ZNF569: variants seen among roughly 807,000 people sequenced by gnomAD.
ZNF569 encodes the protein zinc finger protein 569, also known as DNA-binding protein.
A neutral mutation model predicts 56.3 loss-of-function variants in ZNF569; 38 were observed. The ratio of observed to expected loss-of-function variants is 0.68; its 90% confidence interval spans 0.52 to 0.88. The LOEUF (loss-of-function observed/expected upper bound fraction) is 0.88. Ranked by LOEUF, ZNF569 falls within the 40% of genes least tolerant of loss-of-function variation. The pLI is 0.00. For synonymous variants in ZNF569, 241 were observed against 262.9 expected, an observed-to-expected ratio of 0.92 and a Z score of 0.81; for missense variants, 666 against 809.2, an observed-to-expected ratio of 0.82 and a Z score of 2.15.
intron 5 of ZNF569, among the ~76,000 whole-genome samples, chr19:37,423,653 T>C (rs1029978036): frequency 6.6e-6 from 1 of 152,058 alleles, no homozygotes; most frequent in African/African-American, 2.4e-5. Flanking sequence ...GAAAAACATA[T>C]GACAGATGAT....
chr19:37,415,321 C>G (rs1448509747), intron 5 of ZNF569, among the ~76,000 whole-genome samples: 1 of 151,548 alleles, frequency 6.6e-6, no homozygotes, highest in East Asian at 1.9e-4. Flanking sequence ...ATGAAAAAAT[C>G]AAGTAATCAT....
rs776270214 is a variant in ZNF569, at chr19:37,412,582, A to G, written c.*15T>C. ...TTCAGATGGCCTTGCCATATTCACA[A>G]TATTCATAGGGTTTCTAATGAGTAT... On this transcript the variant is annotated 3_prime_UTR_variant, in exon 6 of 6. Transcript: ENST00000316950. 9 of 1,558,232 alleles carry G rather than the reference A, an allele frequency of 5.8e-6. No homozygotes were observed. Among genetic ancestry groups the G allele is most frequent in the African/African-American group, 1.4e-5 (1 of 72,752 alleles).
At position 37,411,250 on chromosome 19, in the gene ZNF569, T is replaced by G. The variant is rs1248644979; in HGVS notation, c.*1347A>C. The G allele has an allele frequency of 2.6e-5, 4 of 152,190 alleles. No individual in the cohort carries two copies. The highest frequency in any genetic ancestry group is 9.6e-5 in the African/African-American group (4 of 41,458). The allele number at this position is 152,190 out of a possible 1,614,324, so 9.4% of individuals were successfully genotyped here. A position where few individuals can be genotyped will look rare whatever the true frequency, so the allele number is the denominator to read the frequency against. ...CATCCCAAAAGGCAACCAAGTCATATATGGATCCATGACCAATACACAGTA... is the reference window on the plus strand; with the variant it reads ...CATCCCAAAAGGCAACCAAGTCATAGATGGATCCATGACCAATACACAGTA... On this transcript the variant is annotated 3_prime_UTR_variant, in exon 6 of 6. Coordinates refer to ENST00000316950, the MANE Select transcript of ZNF569 (RefSeq NM_152484.3).
chr19:37,465,696 T>C (rs186386888), intron 1 of ZNF569, among the ~76,000 whole-genome samples: 4 of 152,314 alleles, frequency 2.6e-5, no homozygotes, highest in Admixed American at 1.3e-4. Flanking sequence ...ATACTGCAGA[T>C]TATTGGAACT....
At chr19:37,444,755 A>C in intron 3 of ZNF569, 152 bp downstream of exon 3, 2 of 551,312 alleles carry the variant, frequency 3.6e-6, no homozygotes, top group Non-Finnish European at 6.1e-6. Context: ...CCACATTTTA[A>C]CTCTTCCCTA....
intron 3 of ZNF569, 93 bp from the exon 4 acceptor site, chr19:37,426,471 GTTA>G (rs1443855827): frequency 7.6e-7 from 1 of 1,317,242 alleles, no homozygotes; most frequent in Non-Finnish European, 1.0e-6. Flanking sequence ...TTAATCAGAG[GTTA>G]TTAAAAAAGC....
rs764048548 is a variant in ZNF569, at chr19:37,426,358, A to C, written c.36T>G (p.Asp12Glu). 6.2e-7 allele frequency: 1 copy of C among 1,611,346 alleles called. No individual in the cohort carries two copies. The highest frequency in any genetic ancestry group is 1.7e-5 in the Admixed American group (1 of 59,332). Reference sequence around the variant, plus strand: ...CCTCCTGAGTGAAGTCGATAGCCACATCTTTGAATGTTACTGTTCCCTGTA... The same window carrying C: ...CCTCCTGAGTGAAGTCGATAGCCACCTCTTTGAATGTTACTGTTCCCTGTA... ...TESQGTVTFK[D>E]VAIDFTQEEW... The change falls in exon 4 of 6, where the codon GAT (aspartate) becomes GAG (glutamate). Residue 12 changes from aspartate to glutamate, a missense_variant. By Grantham distance (45) the Asp-to-Glu change is conservative (BLOSUM62 2). Transcript: ENST00000316950.
chr19:37,443,911 T>G (rs1386703248), intron 3 of ZNF569, among the ~76,000 whole-genome samples: 1 of 150,572 alleles, frequency 6.6e-6, no homozygotes, highest in Non-Finnish European at 1.5e-5. Context: ...CCAGCTACAA[T>G]GGAGGCTGAG....
At chr19:37,455,672 A>G (rs2041660080) in intron 2 of ZNF569, among the ~76,000 whole-genome samples, 1 of 152,160 alleles carries the variant, frequency 6.6e-6, no homozygotes, top group Non-Finnish European at 1.5e-5. Context: ...GGTGGACAAC[A>G]GTATTTTCTC....
At position 37,426,494 on chromosome 19, in the gene ZNF569, T is replaced by C. The variant is rs187007327; in HGVS notation, c.16-116A>G. On this transcript the variant is annotated intron_variant, in intron 3 of 5. Transcript: ENST00000316950. ...AGGTTATTAAAAAAGCCCATCATATTAGCAGCATCCTGTCATTTATGTTCA... is the reference window on the plus strand; with the variant it reads ...AGGTTATTAAAAAAGCCCATCATATCAGCAGCATCCTGTCATTTATGTTCA... 135 of 1,130,472 alleles carry C rather than the reference T, an allele frequency of 1.2e-4. No individual in the cohort carries two copies. The Admixed American group carries it at 1.2e-3, about 10-fold the overall frequency. 70.0% of individuals were successfully genotyped at this position (1,130,472 alleles called of 1,614,324 possible).
chr19:37,465,123 A>T (rs2041810569), intron 2 of ZNF569, among the ~76,000 whole-genome samples, 190 bp downstream of exon 2: 1 of 152,170 alleles, frequency 6.6e-6, no homozygotes, highest in South Asian at 2.1e-4. Context: ...GCCTGGAATA[A>T]CTTTTCTCAC....
At chr19:37,458,692 G>A (rs890369960) in intron 2 of ZNF569, among the ~76,000 whole-genome samples, 38 of 152,152 alleles carry the variant, frequency 2.5e-4, no homozygotes, top group African/African-American at 8.9e-4. Flanking sequence ...GATGTTTCAT[G>A]GCCCAGCACA....
intron 1 of ZNF569, among the ~76,000 whole-genome samples, chr19:37,465,676 T>C (rs2041819023): frequency 1.3e-5 from 2 of 152,252 alleles, no homozygotes. Context: ...AGTCTTATAC[T>C]ATGCCAATAA....
intron 2 of ZNF569, among the ~76,000 whole-genome samples, chr19:37,446,351 C>G (rs1178280481): frequency 6.6e-6 from 1 of 151,912 alleles, no homozygotes; most frequent in Admixed American, 6.6e-5. Context: ...AGATTGAGAC[C>G]ATCCTGGCTA....
At chr19:37,426,194 G>A (rs1288795758) in intron 4 of ZNF569, 58 bp downstream of exon 4, 3 of 1,538,450 alleles carry the variant, frequency 2.0e-6, no homozygotes, top group Non-Finnish European at 2.6e-6. Flanking sequence ...GAAACACTGG[G>A]AGGAAAAAAA....
At chr19:37,427,832 T>A (rs1248512008) in intron 3 of ZNF569, 5 of 516,224 alleles carry the variant, frequency 9.7e-6, no homozygotes, top group African/African-American at 3.9e-5. Context: ...ATAAAGCATT[T>A]GGTGAGGAAG....
intron 2 of ZNF569, among the ~76,000 whole-genome samples, chr19:37,453,391 G>A (rs1018438962): frequency 5.3e-5 from 8 of 152,158 alleles, no homozygotes; most frequent in Non-Finnish European, 1.2e-4. Context: ...TTTTGGGAAG[G>A]TGAGGAAGGG....
intron 5 of ZNF569, among the ~76,000 whole-genome samples, chr19:37,425,038 G>A (rs1240615575): frequency 6.6e-6 from 1 of 151,696 alleles, no homozygotes; most frequent in Non-Finnish European, 1.5e-5. Context: ...AAAATCACTT[G>A]AACCTGGGAG....
At chr19:37,443,497 G>A (rs1297546390) in intron 3 of ZNF569, among the ~76,000 whole-genome samples, 1 of 152,150 alleles carries the variant, frequency 6.6e-6, no homozygotes, top group Non-Finnish European at 1.5e-5. Context: ...AATATCAAGT[G>A]TACTAGGTGA....
Sources: allele counts gnomAD v4.1 joint callset (sites outside exome capture counted in the v4.1 genomes callset), GRCh38; gene constraint gnomAD v4.1.1; transcripts MANE v1.5; gene names NCBI Gene and HGNC (gene_info 2026-07-23, HGNC 2026-07-21).